KMT2C: variants seen among roughly 807,000 people sequenced by gnomAD.
KMT2C encodes the protein lysine methyltransferase 2C.
A neutral mutation model predicts 507.9 loss-of-function variants in KMT2C; 88 were observed. That is an observed-to-expected ratio of 0.17 (90% CI 0.15 to 0.21). KMT2C has a LOEUF of 0.21. Among genes scored for constraint, KMT2C ranks in the 10% least tolerant of loss-of-function variants. The probability of loss-of-function intolerance (pLI) is 1.00; values close to 1 mark genes in which losing one functional copy is unlikely to be tolerated. For synonymous variants in KMT2C, 2,049 were observed against 2,080.8 expected (o/e 0.98, Z 0.42); for missense variants, 4,954 against 5,957.8 (o/e 0.83, Z 5.55).
chr7:152,345,284 C>T (rs972947555), intron 2 of KMT2C, among the ~76,000 whole-genome samples: 2 of 151,778 alleles, frequency 1.3e-5, no homozygotes, highest in African/African-American at 2.4e-5. Flanking sequence ...GTGGTGTGCA[C>T]CAGTAGTCCC....
At position 152,273,830 on chromosome 7, in the gene KMT2C, T is replaced by C; in HGVS notation, c.887A>G (p.Lys296Arg). Residue 296 changes from lysine (K) to arginine (R), a missense_variant, in exon 7 of 59, where the codon AAA (lysine) becomes AGA (arginine). Coordinates refer to ENST00000262189, the MANE Select transcript of KMT2C (RefSeq NM_170606.3). ...CTGGGTACATTTCTCTTCACAGCAT[T>C]TGATAGTGGCTCCAAGGTGCTTACA... ...AFCKHLGATI[K>R]CCEEKCTQMY... is the part of the protein sequence containing the mutation. 6.2e-6 allele frequency: 10 copies of C among 1,613,990 alleles called. No individual in the cohort carries two copies. The highest frequency in any genetic ancestry group is 8.5e-6 in the Non-Finnish European group (10 of 1,179,846).
chr7:152,298,928 G>A (rs1254843284), intron 6 of KMT2C, among the ~76,000 whole-genome samples: 1 of 152,146 alleles, frequency 6.6e-6, no homozygotes, highest in Non-Finnish European at 1.5e-5. Flanking sequence ...TTACTTGAAG[G>A]TAGACCTCTC....
chr7:152,154,728 T>C (rs1259751370), intron 46 of KMT2C, among the ~76,000 whole-genome samples: 2 of 152,060 alleles, frequency 1.3e-5, no homozygotes, highest in African/African-American at 2.4e-5. Flanking sequence ...GCATGTAACA[T>C]AGAGAGCATG....
chr7:152,358,196 T>C (rs1412958133), intron 2 of KMT2C, among the ~76,000 whole-genome samples: 5 of 152,180 alleles, frequency 3.3e-5, no homozygotes, highest in Non-Finnish European at 7.3e-5. Context: ...CAATATTAAT[T>C]CCATAACGAA....
chr7:152,231,733 A>G (rs1331583936), intron 16 of KMT2C, among the ~76,000 whole-genome samples: 2 of 152,080 alleles, frequency 1.3e-5, no homozygotes, highest in African/African-American at 4.8e-5. Flanking sequence ...GTGAGCCAAG[A>G]TTACGCCACT....
intron 1 of KMT2C, among the ~76,000 whole-genome samples, chr7:152,402,105 C>T (rs571429530): frequency 1.0e-4 from 14 of 137,010 alleles, no homozygotes; most frequent in African/African-American, 2.2e-4. Flanking sequence ...AGTGAAACTC[C>T]GTCTCAAAAA....
At chr7:152,318,372 G>A (rs1301191036) in intron 3 of KMT2C, among the ~76,000 whole-genome samples, 6 of 152,070 alleles carry the variant, frequency 3.9e-5, no homozygotes, top group Non-Finnish European at 8.8e-5. Flanking sequence ...GGGAGGCCTA[G>A]TTGGGCAGAT....
chr7:152,414,104 G>A (rs1266172759), intron 1 of KMT2C, among the ~76,000 whole-genome samples: 10 of 151,508 alleles, frequency 6.6e-5, no homozygotes, highest in Non-Finnish European at 1.5e-4. Flanking sequence ...CAGCTACTCA[G>A]GAGACTGAGG....
At chr7:152,160,967 A>G (rs115857847) in intron 43 of KMT2C, among the ~76,000 whole-genome samples, 414 of 152,296 alleles carry the variant, frequency 2.7e-3, no homozygotes, top group African/African-American at 9.6e-3. Flanking sequence ...GCATTTCAAA[A>G]GATAAAAATA....
intron 1 of KMT2C, among the ~76,000 whole-genome samples, chr7:152,393,478 C>A (rs527935581): frequency 5.9e-5 from 9 of 152,194 alleles, no homozygotes; most frequent in African/African-American, 1.9e-4. Context: ...GTTACCTAAC[C>A]AATAGCCACT....
chr7:152,351,296 A>G (rs2097108873), intron 2 of KMT2C, among the ~76,000 whole-genome samples: 2 of 152,208 alleles, frequency 1.3e-5, no homozygotes, highest in African/African-American at 2.4e-5. Flanking sequence ...GTACTTTTGT[A>G]TAGTACATGT....
rs1391967889 is a variant in KMT2C at position 152,301,339 on chromosome 7, C to CT, written c.849+8626dup. ...CCCACACGGTGAAACTCCATCTCTA[C>CT]TAAAAAAAAAATACAAAATATTCGC... On this transcript the variant is annotated intron_variant, in intron 6 of 58. Transcript: ENST00000262189. 2.0e-5 allele frequency among the ~76,000 whole-genome samples: 3 copies of CT among 150,628 alleles called. No individual in the cohort carries two copies. In the South Asian group the frequency reaches 6.3e-4, roughly 31 times the overall value.
intron 18 of KMT2C, among the ~76,000 whole-genome samples, chr7:152,228,016 A>G (rs2094987361): frequency 6.6e-6 from 1 of 152,256 alleles, no homozygotes; most frequent in South Asian, 2.1e-4. Context: ...GTGAGTCTGT[A>G]AAGTTAAAAC....
intron 52 of KMT2C, among the ~76,000 whole-genome samples, chr7:152,147,654 C>A (rs946748768): frequency 7.0e-6 from 1 of 142,930 alleles, no homozygotes; most frequent in Non-Finnish European, 1.5e-5. Context: ...TTGCAGGGAA[C>A]TGAGATCGCG....
chr7:152,413,701 A>G (rs1373628389), intron 1 of KMT2C, among the ~76,000 whole-genome samples: 2 of 151,878 alleles, frequency 1.3e-5, no homozygotes, highest in Non-Finnish European at 2.9e-5. Flanking sequence ...CCTAGCCAAC[A>G]TAGCAAAACC....
chr7:152,333,312 G>C (rs1427234687), intron 2 of KMT2C, among the ~76,000 whole-genome samples: 9 of 152,048 alleles, frequency 5.9e-5, no homozygotes, highest in Non-Finnish European at 1.5e-5. Context: ...TTTTTGTAGA[G>C]ATGGGGGTCT....
intron 46 of KMT2C, among the ~76,000 whole-genome samples, chr7:152,155,199 G>A (rs959240686): frequency 6.6e-6 from 1 of 152,210 alleles, no homozygotes; most frequent in Non-Finnish European, 1.5e-5. Flanking sequence ...ACAGTAGAAA[G>A]AGGACCTGGA....
intron 2 of KMT2C, among the ~76,000 whole-genome samples, chr7:152,338,126 G>A (rs575158640): frequency 6.6e-6 from 1 of 152,242 alleles, no homozygotes; most frequent in South Asian, 2.1e-4. Context: ...CCAAAGTGCT[G>A]GGATTACAGG....
At chr7:152,219,911 G>A (rs933044374) in intron 23 of KMT2C, 17 of 152,620 alleles carry the variant, frequency 1.1e-4, no homozygotes, top group African/African-American at 4.1e-4. Flanking sequence ...GCTGAGGTAG[G>A]AGGGTCGCAT....
Sources: allele counts gnomAD v4.1 joint callset (sites outside exome capture counted in the v4.1 genomes callset), GRCh38; gene constraint gnomAD v4.1.1; transcripts MANE v1.5; gene names NCBI Gene and HGNC (gene_info 2026-07-23, HGNC 2026-07-21).